PKHD1: variants seen among roughly 807,000 people sequenced by gnomAD.
The protein encoded by PKHD1 is fibrocystin.
A neutral mutation model predicts 412.0 loss-of-function variants in PKHD1; 291 were observed. The ratio of observed to expected loss-of-function variants is 0.71; its 90% CI spans 0.64 to 0.78. PKHD1 has a LOEUF of 0.78. Among genes scored for constraint, PKHD1 ranks in the 30% least tolerant of loss-of-function variants. PKHD1 has a pLI of 0.00. For synonymous variants in PKHD1, 1,777 were observed against 1,821.5 expected, an observed-to-expected ratio of 0.98 and a Z score of 0.62; for missense variants, 4,825 against 4,950.7, an observed-to-expected ratio of 0.97 and a Z score of 0.76.
chr6:52,076,353 A>G lies in PKHD1; in HGVS notation c.391-20T>C, dbSNP rs1260216126. On this transcript the variant is annotated intron_variant, in intron 5 of 66. Coordinates refer to ENST00000371117, the MANE Select transcript of PKHD1 (RefSeq NM_138694.4). Reference sequence around the variant, plus strand: ...GGAAAACTGTTTAGAAAATAGTACCACAAGTGAGCATGTCATTAAAATATT... The same window carrying G: ...GGAAAACTGTTTAGAAAATAGTACCGCAAGTGAGCATGTCATTAAAATATT... 1.9e-6 allele frequency: 3 copies of G among 1,587,986 alleles called. No individual in the cohort carries two copies. The highest frequency in any genetic ancestry group is 2.6e-6 in the Non-Finnish European group (3 of 1,156,282).
intron 60 of PKHD1, among the ~76,000 whole-genome samples, chr6:51,713,760 T>C (rs2150775904): frequency 6.6e-6 from 1 of 152,278 alleles, no homozygotes; most frequent in South Asian, 2.1e-4. Flanking sequence ...AGTTCAACCC[T>C]GCACTTGAGG....
At chr6:51,756,014 A>G (rs2151027520) in intron 55 of PKHD1, among the ~76,000 whole-genome samples, 1 of 152,286 alleles carries the variant, frequency 6.6e-6, no homozygotes, top group South Asian at 2.1e-4. Flanking sequence ...CAGATGTTTA[A>G]TATATAGTAT....
intron 35 of PKHD1, among the ~76,000 whole-genome samples, chr6:51,993,285 G>T (rs1465370677): frequency 6.6e-6 from 1 of 152,212 alleles, no homozygotes; most frequent in African/African-American, 2.4e-5. Flanking sequence ...CCCAGGAGCC[G>T]AGCAGGCAGC....
chr6:51,690,204 G>A (rs559869642), intron 60 of PKHD1, among the ~76,000 whole-genome samples: 16 of 149,576 alleles, frequency 1.1e-4, no homozygotes, highest in South Asian at 2.1e-4. Context: ...CTCGGGAGGC[G>A]GAGGTTGTAG....
At chr6:51,729,361 A>T (rs1782967591) in intron 60 of PKHD1, among the ~76,000 whole-genome samples, 1 of 152,168 alleles carries the variant, frequency 6.6e-6, no homozygotes, top group Non-Finnish European at 1.5e-5. Context: ...ATGTTTCAAG[A>T]TTCTAGTTTT....
intron 39 of PKHD1, among the ~76,000 whole-genome samples, chr6:51,911,394 A>C (rs1782919751): frequency 6.6e-6 from 1 of 152,124 alleles, no homozygotes; most frequent in Non-Finnish European, 1.5e-5. Context: ...GGGATGGGGG[A>C]GCCCTACAAG....
At chr6:51,861,716 T>A (rs1308150879) in intron 48 of PKHD1, among the ~76,000 whole-genome samples, 3 of 152,258 alleles carry the variant, frequency 2.0e-5, no homozygotes, top group Non-Finnish European at 4.4e-5. Context: ...ATTATCATTG[T>A]ATCATTAAGT....
intron 36 of PKHD1, among the ~76,000 whole-genome samples, chr6:51,939,243 C>G (rs1211059164): frequency 6.6e-6 from 1 of 150,932 alleles, no homozygotes; most frequent in African/African-American, 2.4e-5. Flanking sequence ...TTCTCCTTCA[C>G]CCTTAGTGGC....
intron 35 of PKHD1, among the ~76,000 whole-genome samples, chr6:51,966,885 TGATTG>T (rs10599413): frequency 0.018 from 2,766 of 149,980 alleles, 65 homozygotes; most frequent in African/African-American, 0.054. Context: ...GAGACTGCTC[TGATTG>T]GATTGGATTG....
chr6:51,836,511 A>C, intron 50 of PKHD1, 42 bp from the exon 51 acceptor site: 2 of 1,359,594 alleles, frequency 1.5e-6, no homozygotes, highest in East Asian at 4.6e-5. Flanking sequence ...TACAAAGATC[A>C]TCTTAATATT....
chr6:51,842,980 T>C (rs931153707), intron 50 of PKHD1, among the ~76,000 whole-genome samples: 1 of 152,224 alleles, frequency 6.6e-6, no homozygotes, highest in South Asian at 2.1e-4. Flanking sequence ...TCATCTCCCT[T>C]TGAAGTGGAG....
intron 43 of PKHD1, among the ~76,000 whole-genome samples, chr6:51,888,590 A>G (rs544491456): frequency 5.9e-5 from 9 of 151,948 alleles, no homozygotes; most frequent in Non-Finnish European, 1.0e-4. Flanking sequence ...AGGTCAGGTG[A>G]AGATAAGAAG....
At chr6:51,699,891 C>A (rs998366619) in intron 60 of PKHD1, among the ~76,000 whole-genome samples, 2 of 112,198 alleles carry the variant, frequency 1.8e-5, no homozygotes, top group East Asian at 3.3e-4. Flanking sequence ...TTAAATAGAA[C>A]AAATTTGGCC....
Position 52,059,392 on chromosome 6 carries a change from G to A in PKHD1, c.1233+536C>T, listed in dbSNP as rs188662283. 5.3e-3 allele frequency among the ~76,000 whole-genome samples: 799 copies of A among 150,588 alleles called. 20 individuals carry two copies. Among genetic ancestry groups the A allele is most frequent in the Non-Finnish European group, 7.1e-4 (48 of 67,808 alleles). ...GCCCCTCAAGTAGTTGGGACTATAG[G>A]CATGCGCCACCATGCCTGGCTAATT... On this transcript the variant is annotated intron_variant, in intron 15 of 66. Transcript: ENST00000371117.
intron 60 of PKHD1, among the ~76,000 whole-genome samples, chr6:51,731,024 G>T (rs1341488003): frequency 6.6e-6 from 1 of 152,128 alleles, no homozygotes; most frequent in Non-Finnish European, 1.5e-5. Context: ...AGGCTCAGGT[G>T]ATCCTCTTAC....
intron 61 of PKHD1, 133 bp from the exon 62 acceptor site, chr6:51,649,353 G>T: frequency 1.4e-6 from 1 of 709,002 alleles, no homozygotes; most frequent in Non-Finnish European, 2.5e-6. Context: ...AATACATTGT[G>T]TAGTGAACAT....
At chr6:52,006,588 G>A (rs953335997) in intron 35 of PKHD1, among the ~76,000 whole-genome samples, 7 of 152,050 alleles carry the variant, frequency 4.6e-5, no homozygotes, top group Admixed American at 3.9e-4. Context: ...TGTTGGCCAG[G>A]CTTGTCTCGA....
chr6:51,702,894 T>TG (rs1279991148), intron 60 of PKHD1, among the ~76,000 whole-genome samples: 1 of 141,364 alleles, frequency 7.1e-6, no homozygotes, highest in Non-Finnish European at 1.5e-5. Context: ...AAATCAATTT[T>TG]TTTTTTTTTT....
At chr6:52,054,778 C>T (rs1807446440) in intron 19 of PKHD1, among the ~76,000 whole-genome samples, 1 of 152,210 alleles carries the variant, frequency 6.6e-6, no homozygotes, top group Admixed American at 6.5e-5. Flanking sequence ...ACAACGAAAA[C>T]TGTCTCCATA....
Sources: allele counts gnomAD v4.1 joint callset (sites outside exome capture counted in the v4.1 genomes callset), GRCh38; gene constraint gnomAD v4.1.1; transcripts MANE v1.5; gene names NCBI Gene and HGNC (gene_info 2026-07-23, HGNC 2026-07-21).